POT1: variants seen among roughly 807,000 people sequenced by gnomAD.
The protein encoded by POT1 is protection of telomeres protein 1.
Under a neutral mutation model 78.5 loss-of-function variants are expected in POT1, and 47 were observed. The observed-to-expected ratio is 0.60, with a 90% CI of 0.47 to 0.76. The LOEUF is 0.76. Ranked by LOEUF, POT1 falls within the 30% of genes least tolerant of loss-of-function variation. POT1 has a pLI of 0.00. For missense variants in POT1, 646 were observed against 749.9 expected (o/e 0.86, Z 1.62); for synonymous variants, 259 against 260.7 (o/e 0.99, Z 0.06).
intron 3 of POT1, among the ~76,000 whole-genome samples, chr7:124,910,442 A>G (rs1247258492): frequency 1.3e-5 from 2 of 151,998 alleles, no homozygotes; most frequent in African/African-American, 2.4e-5. Flanking sequence ...ACAGAGGGCT[A>G]ACAGTTAATA....
intron 3 of POT1, among the ~76,000 whole-genome samples, chr7:124,901,757 C>T (rs1251696956): frequency 6.6e-6 from 1 of 152,104 alleles, no homozygotes; most frequent in Non-Finnish European, 1.5e-5. Context: ...TGTTTGAACC[C>T]ATCGCACATA....
At chr7:124,921,466 A>G (rs189250672) in intron 2 of POT1, among the ~76,000 whole-genome samples, 24 of 152,180 alleles carry the variant, frequency 1.6e-4, no homozygotes, top group Admixed American at 7.9e-4. Flanking sequence ...AGAAAATTCC[A>G]GGAAAATAAA....
intron 7 of POT1, among the ~76,000 whole-genome samples, chr7:124,869,217 G>C (rs1795804794): frequency 6.6e-6 from 1 of 152,076 alleles, no homozygotes; most frequent in Non-Finnish European, 1.5e-5. Context: ...ATTGAAAAAA[G>C]TCTGCATATA....
At chr7:124,843,064 C>T in intron 12 of POT1, 101 bp from the exon 13 acceptor site, 1 of 862,840 alleles carries the variant, frequency 1.2e-6, no homozygotes, top group Admixed American at 3.6e-5. Flanking sequence ...TTAATTTAAG[C>T]TCTATTAAGT....
chr7:124,890,444 G>C (rs1272336704), intron 6 of POT1, among the ~76,000 whole-genome samples: 1 of 151,844 alleles, frequency 6.6e-6, no homozygotes, highest in Non-Finnish European at 1.5e-5. Flanking sequence ...GCAGCAGCAG[G>C]GTTGACAAGG....
intron 9 of POT1, among the ~76,000 whole-genome samples, chr7:124,853,808 TTTAA>T (rs1340238636): frequency 6.6e-6 from 1 of 152,080 alleles, no homozygotes; most frequent in African/African-American, 2.4e-5. Context: ...TACAAATGTC[TTTAA>T]TTATAGACCA....
chr7:124,857,414 C>A (rs990019176), intron 9 of POT1, among the ~76,000 whole-genome samples: 1 of 152,218 alleles, frequency 6.6e-6, no homozygotes, highest in African/African-American at 2.4e-5. Context: ...CCTGATACCA[C>A]GGCCCAAAGT....
At chr7:124,853,799 A>G (rs554436966) in intron 9 of POT1, among the ~76,000 whole-genome samples, 2 of 152,236 alleles carry the variant, frequency 1.3e-5, no homozygotes, top group South Asian at 4.1e-4. Context: ...AACTTAGTCT[A>G]CAAATGTCTT....
chr7:124,848,943 A>T (rs80086557), intron 11 of POT1, among the ~76,000 whole-genome samples: 1 of 152,174 alleles, frequency 6.6e-6, no homozygotes, highest in South Asian at 2.1e-4. Flanking sequence ...AAGCAAAAGT[A>T]GTAGTCATAG....
chr7:124,907,161 A>G (rs914621771), intron 3 of POT1, among the ~76,000 whole-genome samples: 1 of 152,130 alleles, frequency 6.6e-6, no homozygotes, highest in African/African-American at 2.4e-5. Flanking sequence ...TAAAACTAAA[A>G]ACACATTTGG....
At chr7:124,866,109 G>A (rs535688289) in intron 7 of POT1, among the ~76,000 whole-genome samples, 1 of 152,244 alleles carries the variant, frequency 6.6e-6, no homozygotes, top group Non-Finnish European at 1.5e-5. Flanking sequence ...TTAAACTCAT[G>A]AATGCTTGTT....
Position 124,835,294 on chromosome 7 carries a change from G to T in POT1, c.1490C>A (p.Thr497Lys), listed in dbSNP as rs879897044. 1.9e-5 allele frequency: 30 copies of T among 1,613,786 alleles called. No individual in the cohort carries two copies. Among genetic ancestry groups the T allele is most frequent in the African/African-American group, 2.7e-5 (2 of 74,872 alleles). ...AACAAAATACCCATAGTGATGTATTGTTCCTTGTATAAGAAATGGTGCTGA... is the reference window on the plus strand; with the variant it reads ...AACAAAATACCCATAGTGATGTATTTTTCCTTGTATAAGAAATGGTGCTGA... Reference protein sequence around the residue: ...DLSAPFLIQGTIHHYGCKQCS... With the variant: ...DLSAPFLIQGKIHHYGCKQCS... Residue 497 changes from threonine to lysine, a missense_variant, in exon 15 of 19, where the codon ACA (threonine) becomes AAA (lysine). Thr to Lys is a moderately conservative substitution (Grantham distance 78). Transcript: ENST00000357628.
At chr7:124,863,727 T>G (rs561639881) in intron 7 of POT1, 87 bp from the exon 8 acceptor site, 154 of 1,089,276 alleles carry the variant, frequency 1.4e-4, no homozygotes, top group Non-Finnish European at 1.9e-4. Flanking sequence ...CTGGAAAGAT[T>G]ATCAATTTTG....
At chr7:124,903,390 CA>C (rs1796674356) in intron 3 of POT1, among the ~76,000 whole-genome samples, 1 of 152,206 alleles carries the variant, frequency 6.6e-6, no homozygotes, top group Admixed American at 6.5e-5. Flanking sequence ...TGCACAACTA[CA>C]TGGAAACTGA....
intron 3 of POT1, among the ~76,000 whole-genome samples, chr7:124,910,303 A>G (rs1392982188): frequency 6.6e-6 from 1 of 151,972 alleles, no homozygotes; most frequent in African/African-American, 2.4e-5. Context: ...TGTCAAGTCC[A>G]TAATACTACC....
chr7:124,836,820 TC>T (rs1200712677), intron 14 of POT1, among the ~76,000 whole-genome samples: 29 of 152,354 alleles, frequency 1.9e-4, no homozygotes, highest in African/African-American at 6.3e-4. Flanking sequence ...ACTATTACTA[TC>T]AATATTTTAG....
intron 15 of POT1, among the ~76,000 whole-genome samples, chr7:124,831,223 C>T (rs1454434096): frequency 1.3e-5 from 2 of 152,178 alleles, no homozygotes; most frequent in African/African-American, 4.8e-5. Context: ...TTATACATTA[C>T]TGATGGGACC....
At chr7:124,910,323 GA>G (rs1162888926) in intron 3 of POT1, among the ~76,000 whole-genome samples, 2 of 151,494 alleles carry the variant, frequency 1.3e-5, no homozygotes, top group Non-Finnish European at 1.5e-5. Context: ...CATGAGGTAA[GA>G]AAAAAAAGGT....
intron 3 of POT1, among the ~76,000 whole-genome samples, chr7:124,912,337 A>C (rs1796907045): frequency 6.6e-6 from 1 of 152,048 alleles, no homozygotes; most frequent in Admixed American, 6.6e-5. Context: ...CCTTGACATA[A>C]ATGAAACATA....
Sources: gnomAD v4.1 joint callset for allele counts (sites outside exome capture counted in the v4.1 genomes callset) on GRCh38, gnomAD v4.1.1 for gene constraint, MANE v1.5 for transcripts, NCBI Gene and HGNC (gene_info 2026-07-23, HGNC 2026-07-21) for gene names.